Variants in SIRPB1 observed in about 807,000 individuals in gnomAD.
The protein encoded by SIRPB1 is signal regulatory protein beta 1, also known as signal-regulatory protein beta-1.
In SIRPB1, 28 loss-of-function variants were observed where a neutral mutation model predicts 34.1. The observed-to-expected ratio is 0.82, with a 90% CI of 0.61 to 1.12. SIRPB1 has a LOEUF of 1.12. Among genes scored for constraint, SIRPB1 ranks in the 50% most tolerant of loss-of-function variants. SIRPB1 has a pLI of 0.00. For missense variants in SIRPB1, 499 were observed against 507.0 expected (o/e 0.98, Z 0.15); for synonymous variants, 211 against 203.8 (o/e 1.04, Z -0.30).
rs2091479102 is a variant in SIRPB1 at position 1,602,106 on chromosome 20, T to C, written c.76+17763A>G. On this transcript the variant is annotated intron_variant, in intron 1 of 5. Coordinates refer to ENST00000381605, the MANE Select transcript of SIRPB1 (RefSeq NM_006065.5). The stretch of plus-strand genomic sequence containing the variant: ...GCAGAAAATTAATGAAATTAAAATA[T>C]AAAAAACAATGCAAAAACCAACTGA... Among the ~76,000 whole-genome samples the C allele has an allele frequency of 4.1e-5, 2 of 48,830 alleles. 1 individual carries two copies. The highest frequency in any genetic ancestry group is 7.9e-5 in the Non-Finnish European group (2 of 25,390). 32.0% of individuals were successfully genotyped at this position (48,830 alleles called of 152,430 possible). A position where few individuals can be genotyped will look rare whatever the true frequency, so the allele number is the denominator to read the frequency against.
At position 1,613,239 on chromosome 20, in the gene SIRPB1, T is replaced by G. The variant is rs1336967238; in HGVS notation, c.76+6630A>C. Among the ~76,000 whole-genome samples the G allele has an allele frequency of 2.7e-5, 2 of 73,910 alleles. 1 individual carries two copies. The highest frequency in any genetic ancestry group is 1.1e-3 in the East Asian group (2 of 1,742). The allele number at this position is 73,910 out of a possible 152,430, so 48.5% of individuals were successfully genotyped here. On this transcript the variant is annotated intron_variant, in intron 1 of 5. Coordinates refer to ENST00000381605, the MANE Select transcript of SIRPB1 (RefSeq NM_006065.5). Reference sequence around the variant, plus strand: ...TCTTCTGGAGGCTCTGTTTTTTGCCTTTTCAAATTCTAGAGTTTTCTCACA... The same window carrying G: ...TCTTCTGGAGGCTCTGTTTTTTGCCGTTTCAAATTCTAGAGTTTTCTCACA...
At chr20:1,615,849 AT>A (rs2091621552) in intron 1 of SIRPB1, among the ~76,000 whole-genome samples, 1 of 152,174 alleles carries the variant, frequency 6.6e-6, no homozygotes, top group African/African-American at 2.4e-5. Context: ...CACATACCTT[AT>A]TTTATTTTCC....
Position 1,564,648 on chromosome 20 carries a change from G to A in SIRPB1, c.*852C>T. 2 of 328,598 alleles carry A rather than the reference G, an allele frequency of 6.1e-6. No individual in the cohort carries two copies. The highest frequency in any genetic ancestry group is 1.1e-5 in the Non-Finnish European group (2 of 181,924). 20.4% of individuals were successfully genotyped at this position (328,598 alleles called of 1,614,324 possible). On this transcript the variant is annotated 3_prime_UTR_variant, in exon 6 of 6. Coordinates refer to ENST00000381605, the MANE Select transcript of SIRPB1 (RefSeq NM_006065.5). ...GTTTCCAGCAGCAGGCTTGGACTGGGCCCTGAAAACCAATTGTTAAATTTC... is the reference window on the plus strand; with the variant it reads ...GTTTCCAGCAGCAGGCTTGGACTGGACCCTGAAAACCAATTGTTAAATTTC...
Position 1,578,480 on chromosome 20 carries a change from C to T in SIRPB1, c.291G>A (p.Lys97=), listed in dbSNP as rs2091351690. The T allele has an allele frequency of 3.2e-6, 5 of 1,584,070 alleles. No homozygotes were observed. The East Asian group carries it at 8.9e-5, about 28-fold the overall frequency. ...TGATGGAAAAGTCCAGGTTGTTTCTCTTTGTGAGTTCTGAAACAGTTGTTA... is the reference window on the plus strand; with the variant it reads ...TGATGGAAAAGTCCAGGTTGTTTCTTTTTGTGAGTTCTGAAACAGTTGTTA... ...PRVTTVSELT[K]RNNLDFSISI... The change falls in exon 2 of 6, where the codon AAG becomes AAA. Residue 97 remains lysine, a synonymous_variant. Coordinates refer to ENST00000381605, the MANE Select transcript of SIRPB1 (RefSeq NM_006065.5).
At chr20:1,603,952 C>A in intron 1 of SIRPB1, 1 of 609,654 alleles carries the variant, frequency 1.6e-6, no homozygotes, top group Non-Finnish European at 2.2e-6. Context: ...TCACCAGGAG[C>A]CAGCTCATCC....
Position 1,617,752 on chromosome 20 carries a change from G to T in SIRPB1, c.76+2117C>A, listed in dbSNP as rs1036758917. On this transcript the variant is annotated intron_variant, in intron 1 of 5. Transcript: ENST00000381605. ...TTAATTAGCTCAAATTAGGCATTCT[G>T]CAATGTACACATATTTCATTAATAT... 3.3e-5 allele frequency among the ~76,000 whole-genome samples: 5 copies of T among 152,218 alleles called. No homozygotes were observed. In the South Asian group the frequency reaches 1.0e-3, roughly 32 times the overall value.
At chr20:1,616,736 G>A (rs2091635833) in intron 1 of SIRPB1, among the ~76,000 whole-genome samples, 1 of 152,088 alleles carries the variant, frequency 6.6e-6, no homozygotes, top group African/African-American at 2.4e-5. Flanking sequence ...CACAGCCAAG[G>A]AAACAATCAA....
intron 1 of SIRPB1, among the ~76,000 whole-genome samples, chr20:1,615,523 C>A (rs1308753342): frequency 2.6e-5 from 4 of 152,212 alleles, no homozygotes; most frequent in Non-Finnish European, 1.5e-5. Flanking sequence ...GAGCTGCACA[C>A]CTTTCTGTTA....
intron 1 of SIRPB1, chr20:1,611,432 A>C: frequency 1.0e-6 from 1 of 1,002,356 alleles, no homozygotes; most frequent in Non-Finnish European, 1.3e-6. Context: ...AACTTCACAC[A>C]GTAGTAGGTG....
chr20:1,619,513 C>T (rs942808111), intron 1 of SIRPB1, among the ~76,000 whole-genome samples: 3 of 152,242 alleles, frequency 2.0e-5, no homozygotes, highest in African/African-American at 7.2e-5. Context: ...CCACATAACC[C>T]TGTTAGGGTG....
In SIRPB1 at chr20:1,562,206, T is replaced by C. The variant is rs1419043066; in HGVS notation, c.*3294A>G. Among the ~76,000 whole-genome samples, 2 of 152,184 alleles carry C rather than the reference T, an allele frequency of 1.3e-5. No homozygotes were observed. Among genetic ancestry groups the C allele is most frequent in the Non-Finnish European group, 2.9e-5 (2 of 68,032 alleles). On this transcript the variant is annotated 3_prime_UTR_variant, in exon 6 of 6. Transcript: ENST00000381605. The stretch of plus-strand genomic sequence containing the variant: ...CACTTTCTTACTTTCTAGAGGATGT[T>C]GAATTTTTGATGGAATGTTTTAAAC...
chr20:1,576,837 G>T (rs1351771592), intron 2 of SIRPB1, among the ~76,000 whole-genome samples: 1 of 148,428 alleles, frequency 6.7e-6, no homozygotes, highest in Admixed American at 6.7e-5. Context: ...TCTCAAATAT[G>T]AAAACACACT....
chr20:1,613,064 G>A lies in SIRPB1; in HGVS notation c.76+6805C>T, dbSNP rs1481129032. ...GTGCTGTTGACATACAACACATGCA[G>A]CATAACTATGGGAGATGATGGATGT... On this transcript the variant is annotated intron_variant, in intron 1 of 5. Transcript: ENST00000381605. Among the ~76,000 whole-genome samples, 2 of 73,062 alleles carry A rather than the reference G, an allele frequency of 2.7e-5. 1 individual carries two copies. The highest frequency in any genetic ancestry group is 5.2e-5 in the Non-Finnish European group (2 of 38,782). 47.9% of individuals were successfully genotyped at this position (73,062 alleles called of 152,430 possible). A position where few individuals can be genotyped will look rare whatever the true frequency, so the allele number is the denominator to read the frequency against.
intron 1 of SIRPB1, among the ~76,000 whole-genome samples, chr20:1,585,129 T>G: frequency 2.0e-5 from 1 of 49,274 alleles, no homozygotes; most frequent in East Asian, 5.7e-4. Context: ...GACTTAAATG[T>G]AAGATCTGAA....
chr20:1,566,667 C>A (rs1285261180), intron 4 of SIRPB1, among the ~76,000 whole-genome samples: 3 of 152,194 alleles, frequency 2.0e-5, no homozygotes, highest in African/African-American at 7.2e-5. Context: ...CTAGGGAAGC[C>A]CATCATTATG....
At position 1,570,897 on chromosome 20, in the gene SIRPB1, T is replaced by G; in HGVS notation, c.992A>C (p.Gln331Pro). The G allele has an allele frequency of 6.2e-7, 1 of 1,614,212 alleles. No individual in the cohort carries two copies. The highest frequency in any genetic ancestry group is 1.3e-5 in the African/African-American group (1 of 75,064). ...TGCTTGCTGCCCATCATGCTCCACC[T>G]GACAGGTGAGCACCACATCGTCCCT... ...AHRDDVVLTC[Q>P]VEHDGQQAVS... Residue 331 changes from glutamine (Q) to proline (P), a missense_variant, in exon 4 of 6, where the codon CAG becomes CCG. Transcript: ENST00000381605.
intron 4 of SIRPB1, chr20:1,570,490 A>C (rs2091213614): frequency 4.3e-6 from 1 of 234,640 alleles, no homozygotes; most frequent in Non-Finnish European, 8.3e-6. Context: ...GAGACACAGG[A>C]CTTCATAAAC....
Position 1,566,255 on chromosome 20 carries a change from G to A in SIRPB1, c.1097C>T (p.Ala366Val), listed in dbSNP as rs1237233108. 7 of 1,603,138 alleles carry A rather than the reference G, an allele frequency of 4.4e-6. No homozygotes were observed. Among genetic ancestry groups the A allele is most frequent in the Middle Eastern group, 1.6e-4 (1 of 6,062 alleles). Residue 366 changes from alanine (A) to valine (V), a missense_variant, in exon 5 of 6, where the codon GCT becomes GTT. Transcript: ENST00000381605. ...GSDITHEAALAPTAPLLVALL... is the reference protein window; with the variant it reads ...GSDITHEAALVPTAPLLVALL... ...AGCTACGAGGAGTGGAGCAGTAGGA[G>A]CCAGCGCTGCTTCTGGAAATCAGGG...
chr20:1,618,873 T>C (rs1241857745), intron 1 of SIRPB1, among the ~76,000 whole-genome samples: 1 of 152,246 alleles, frequency 6.6e-6, no homozygotes, highest in Non-Finnish European at 1.5e-5. Flanking sequence ...TTGTAGTACC[T>C]GTTATGGGCT....
Sources: allele counts gnomAD v4.1 joint callset (sites outside exome capture counted in the v4.1 genomes callset), GRCh38; gene constraint gnomAD v4.1.1; transcripts MANE v1.5; gene names NCBI Gene and HGNC (gene_info 2026-07-23, HGNC 2026-07-21).